Variants in NKTR observed in about 807,000 individuals in gnomAD.
NKTR encodes the protein natural killer cell triggering receptor.
Under a neutral mutation model 156.3 loss-of-function variants are expected in NKTR, and 67 were observed. That is an observed-to-expected ratio of 0.43 (90% CI 0.35 to 0.53). NKTR has a LOEUF of 0.53. Ranked by LOEUF, NKTR falls within the 20% of genes least tolerant of loss-of-function variation. The pLI is 0.01. For synonymous variants in NKTR, 640 were observed against 596.6 expected (o/e 1.07, Z -1.06); for missense variants, 1,604 against 1,730.9 (o/e 0.93, Z 1.30).
intron 4 of NKTR, 142 bp from the exon 5 acceptor site, chr3:42,619,522 T>C (rs1431031921): frequency 6.6e-7 from 1 of 1,505,624 alleles, no homozygotes; most frequent in African/African-American, 1.4e-5. Context: ...ATGAAGTTAA[T>C]TGAGGACTCT....
rs1226694432 is a variant in NKTR, at chr3:42,638,210, A to G, written c.2506A>G (p.Asn836Asp). The change falls in exon 13 of 17, where the codon AAT becomes GAT. Residue 836 changes from asparagine (N) to aspartate (D), a missense_variant. By Grantham distance (23) the Asn-to-Asp change is conservative. Transcript: ENST00000232978. ...GCAGGGCCAAATGGAAAGAACACAT[A>G]ATAAACAAGAAAAAAACAGAGGTGA... ...EKQGQMERTH[N>D]KQEKNRGEEK... The G allele has an allele frequency of 6.2e-7, 1 of 1,613,484 alleles. No individual in the cohort carries two copies. Among genetic ancestry groups the G allele is most frequent in the Non-Finnish European group, 8.5e-7 (1 of 1,179,952 alleles).
At chr3:42,641,292 G>A (rs1055990510) in intron 13 of NKTR, among the ~76,000 whole-genome samples, 2 of 152,106 alleles carry the variant, frequency 1.3e-5, no homozygotes, top group Non-Finnish European at 2.9e-5. Context: ...AGAACATAAC[G>A]TATTCATTTT....
At chr3:42,604,107 C>G (rs1705922526) in intron 2 of NKTR, among the ~76,000 whole-genome samples, 1 of 152,146 alleles carries the variant, frequency 6.6e-6, no homozygotes, top group Non-Finnish European at 1.5e-5. Flanking sequence ...AGTTGTTTGT[C>G]ACAGCCTCTT....
chr3:42,633,048 C>CT (rs1354148901), intron 9 of NKTR: 8 of 1,214,488 alleles, frequency 6.6e-6, no homozygotes, highest in Middle Eastern at 3.3e-4. Flanking sequence ...CCTAAGAACT[C>CT]TTTTTTTAAG....
Position 42,641,960 on chromosome 3 carries a change from C to T in NKTR, c.4047-541C>T, listed in dbSNP as rs191991283. 4.4e-3 allele frequency among the ~76,000 whole-genome samples: 661 copies of T among 151,692 alleles called. 4 individuals are homozygous for T. The highest frequency in any genetic ancestry group is 0.015 in the African/African-American group (628 of 41,404). On this transcript the variant is annotated intron_variant, in intron 13 of 16. Coordinates refer to ENST00000232978, the MANE Select transcript of NKTR (RefSeq NM_005385.4). The stretch of plus-strand genomic sequence containing the variant: ...TCCCAAAGTTAACCATTATTCTAAA[C>T]TTTGGTTATAATTTTGTTGTCTTTC...
At chr3:42,624,842 G>A (rs923307809) in intron 6 of NKTR, among the ~76,000 whole-genome samples, 1 of 152,052 alleles carries the variant, frequency 6.6e-6, no homozygotes, top group Non-Finnish European at 1.5e-5. Flanking sequence ...AATTCTGGCT[G>A]TAATTTTTTT....
chr3:42,646,044 A>G lies in NKTR; in HGVS notation c.*69A>G. On this transcript the variant is annotated 3_prime_UTR_variant, in exon 17 of 17. Transcript: ENST00000232978. ...AACTTAGCTTAAGAAATGTAATGAC[A>G]GTCTGTTGTTCTATTTCAATATCAG... The G allele has an allele frequency of 1.8e-6, 2 of 1,129,032 alleles. No homozygotes were observed. Among genetic ancestry groups the G allele is most frequent in the Non-Finnish European group, 2.6e-6 (2 of 755,620 alleles). The allele number at this position is 1,129,032 out of a possible 1,614,324, so 69.9% of individuals were successfully genotyped here. A position where few individuals can be genotyped will look rare whatever the true frequency, so the allele number is the denominator to read the frequency against.
intron 13 of NKTR, among the ~76,000 whole-genome samples, chr3:42,640,865 G>C (rs904689745): frequency 2.6e-5 from 4 of 152,128 alleles, no homozygotes; most frequent in Admixed American, 2.0e-4. Flanking sequence ...TTTTCTCTCT[G>C]AGTTCCTGTT....
chr3:42,642,724 A>C (rs1461141332), intron 14 of NKTR, 128 bp downstream of exon 14: 52 of 680,918 alleles, frequency 7.6e-5, no homozygotes, highest in Non-Finnish European at 1.2e-4. Context: ...CTATTTTCTC[A>C]TGTAGTTTTT....
chr3:42,620,450 A>G (rs1412942921), intron 5 of NKTR: 40 of 992,672 alleles, frequency 4.0e-5, no homozygotes, highest in Non-Finnish European at 4.8e-5. Context: ...GAGATTTGTA[A>G]TGAAATCTAA....
At chr3:42,636,844 A>G in intron 12 of NKTR, 24 bp from the exon 13 acceptor site, 1 of 1,530,338 alleles carries the variant, frequency 6.5e-7, no homozygotes, top group Non-Finnish European at 8.7e-7. Context: ...AAATCACCGC[A>G]TGAATATTAT....
intron 14 of NKTR, 58 bp downstream of exon 14, chr3:42,642,654 A>C (rs1709990416): frequency 8.4e-7 from 1 of 1,196,972 alleles, no homozygotes; most frequent in Non-Finnish European, 1.3e-6. Context: ...TTTTAAGGCT[A>C]CATAGGCAGA....
At chr3:42,633,795 C>T in intron 10 of NKTR, 60 bp downstream of exon 10, 1 of 1,580,406 alleles carries the variant, frequency 6.3e-7, no homozygotes, top group Non-Finnish European at 8.7e-7. Flanking sequence ...TCCGTCAGCT[C>T]ATTGCATTCC....
intron 16 of NKTR, 84 bp from the exon 17 acceptor site, chr3:42,645,804 C>A: frequency 1.2e-6 from 1 of 816,924 alleles, no homozygotes; most frequent in Non-Finnish European, 1.9e-6. Context: ...GTTTTCAAGC[C>A]ACTCATATAA....
At chr3:42,606,512 T>G (rs753954801) in intron 2 of NKTR, among the ~76,000 whole-genome samples, 3 of 152,114 alleles carry the variant, frequency 2.0e-5, no homozygotes, top group Non-Finnish European at 2.9e-5. Flanking sequence ...TCCCAGAGAT[T>G]GTATCTTAAA....
At chr3:42,617,701 A>T in intron 3 of NKTR, 57 bp downstream of exon 3, 1 of 890,296 alleles carries the variant, frequency 1.1e-6, no homozygotes, top group South Asian at 1.4e-5. Context: ...ACCTTGCTGA[A>T]CAGAATAGAT....
chr3:42,622,392 G>C (rs1221924393), intron 6 of NKTR, among the ~76,000 whole-genome samples: 2 of 151,946 alleles, frequency 1.3e-5, no homozygotes, highest in Non-Finnish European at 2.9e-5. Flanking sequence ...ATGTATGTTG[G>C]AGAAATATTT....
intron 2 of NKTR, among the ~76,000 whole-genome samples, chr3:42,615,426 C>G (rs1707262898): frequency 6.6e-6 from 1 of 151,268 alleles, no homozygotes; most frequent in South Asian, 2.1e-4. Context: ...CTATCCCTCT[C>G]CGAATATTGG....
chr3:42,609,501 T>C (rs188380182), intron 2 of NKTR, among the ~76,000 whole-genome samples: 65 of 152,346 alleles, frequency 4.3e-4, no homozygotes, highest in Non-Finnish European at 7.9e-4. Flanking sequence ...TCTTTGTAGA[T>C]TTGAAAATTT....
Sources: gnomAD v4.1 joint callset for allele counts (sites outside exome capture counted in the v4.1 genomes callset) on GRCh38, gnomAD v4.1.1 for gene constraint, MANE v1.5 for transcripts, NCBI Gene and HGNC (gene_info 2026-07-23, HGNC 2026-07-21) for gene names.